DYNC1H1: variants seen among roughly 807,000 people sequenced by gnomAD.
DYNC1H1 encodes the protein dynein cytoplasmic 1 heavy chain 1, also known as cytoplasmic dynein 1 heavy chain 1.
In DYNC1H1, 51 loss-of-function variants were observed where a neutral mutation model predicts 527.1. That is an observed-to-expected ratio of 0.10 (90% confidence interval 0.08 to 0.12). DYNC1H1 has a LOEUF of 0.12. Among genes scored for constraint, DYNC1H1 ranks in the 10% least tolerant of loss-of-function variants. The probability of loss-of-function intolerance (pLI) is 1.00; values close to 1 mark genes in which losing one functional copy is unlikely to be tolerated. For missense variants in DYNC1H1, 2,771 were observed against 5,971.8 expected, an observed-to-expected ratio of 0.46 and a Z score of 17.66; for synonymous variants, 2,189 against 2,278.8, an observed-to-expected ratio of 0.96 and a Z score of 1.12.
rs1374091854 is a variant in DYNC1H1, at chr14:101,964,992, G to A, written c.256+45G>A. On this transcript the variant is annotated intron_variant, in intron 1 of 77. Transcript: ENST00000360184. The surrounding 1 kb of genome is among the most constrained non-coding windows in gnomAD (Gnocchi z 5.5). ...AGGGTCGCCAGAGCCAGGCCTCGCGGAATGCAGGGCCTGCCAGGTCCTCCG... is the reference window on the plus strand; with the variant it reads ...AGGGTCGCCAGAGCCAGGCCTCGCGAAATGCAGGGCCTGCCAGGTCCTCCG... The A allele has an allele frequency of 1.9e-6, 3 of 1,557,480 alleles. No individual in the cohort carries two copies. Among genetic ancestry groups the A allele is most frequent in the African/African-American group, 2.7e-5 (2 of 73,944 alleles).
intron 10 of DYNC1H1, among the ~76,000 whole-genome samples, chr14:101,991,111 A>G (rs1290113923): frequency 6.6e-6 from 1 of 152,052 alleles, no homozygotes; most frequent in Non-Finnish European, 1.5e-5. Flanking sequence ...TGAGCCCAGA[A>G]TGTCAAGTGA....
intron 52 of DYNC1H1, 147 bp downstream of exon 52, chr14:102,032,614 G>A (rs2048522033): frequency 1.1e-5 from 12 of 1,050,662 alleles, no homozygotes; most frequent in Non-Finnish European, 1.7e-5. Flanking sequence ...AACTTTGGGA[G>A]GCTGAGGCAG....
At chr14:101,969,936 C>T (rs1013744077) in intron 1 of DYNC1H1, among the ~76,000 whole-genome samples, 4 of 152,124 alleles carry the variant, frequency 2.6e-5, no homozygotes, top group Non-Finnish European at 4.4e-5. Context: ...GAAACCAAAA[C>T]CCTAGGATTT....
Position 101,999,920 on chromosome 14 carries a change from T to A in DYNC1H1, c.3805-69T>A. 7 of 1,610,558 alleles carry A rather than the reference T, an allele frequency of 4.3e-6. No homozygotes were observed. The South Asian group carries it at 7.7e-5, about 18-fold the overall frequency. On this transcript the variant is annotated intron_variant, in intron 16 of 77. Coordinates refer to ENST00000360184, the MANE Select transcript of DYNC1H1 (RefSeq NM_001376.5). ...AAGCCCTGCAGGCTCTGTGCACCAT[T>A]TTAAAGCCTAAATGCTCATCTCTCC...
rs367551573 is a variant in DYNC1H1, at chr14:102,017,516, C to G, written c.8177+12C>G. ...CCCCTCTCACACAGGTAAAACAGCT[C>G]GGTAGACTGCTCTGCTTCACACACG... On this transcript the variant is annotated intron_variant, in intron 40 of 77. Transcript: ENST00000360184. This position sits in a 1 kb window ranked among gnomAD's most constrained non-coding sequence, Gnocchi z 4.6. 5.0e-6 allele frequency: 8 copies of G among 1,613,268 alleles called. No homozygotes were observed. The African/African-American group carries it at 1.1e-4, about 22-fold the overall frequency.
chr14:101,988,673 C>G (rs1475312733), intron 9 of DYNC1H1, 30 bp from the exon 10 acceptor site: 2 of 1,613,864 alleles, frequency 1.2e-6, no homozygotes, highest in Non-Finnish European at 1.7e-6. Flanking sequence ...TTAGAAGAAA[C>G]ACTGTTCTCT....
rs752231360 is a variant in DYNC1H1, at chr14:101,964,784, G to A, written c.93G>A (p.Gln31=). 1 of 1,602,220 alleles carries A rather than the reference G, an allele frequency of 6.2e-7. No individual in the cohort carries two copies. Among genetic ancestry groups the A allele is most frequent in the Non-Finnish European group, 8.5e-7 (1 of 1,176,734 alleles). The part of the protein sequence containing the change: ...VQNVADVSVL[Q]KHLRKLVPLL... Reference sequence around the variant, plus strand: ...ATGTGGCGGACGTGTCGGTGCTGCAGAAGCACCTGCGCAAGCTGGTGCCGC... The same window carrying A: ...ATGTGGCGGACGTGTCGGTGCTGCAAAAGCACCTGCGCAAGCTGGTGCCGC... The change falls in exon 1 of 78, where the codon CAG becomes CAA. Residue 31 remains glutamine, a synonymous_variant. Transcript: ENST00000360184. This position sits in a 1 kb window ranked among gnomAD's most constrained non-coding sequence, Gnocchi z 5.5.
intron 56 of DYNC1H1, 162 bp downstream of exon 56, chr14:102,034,614 C>T (rs1214135803): frequency 1.7e-6 from 2 of 1,154,674 alleles, no homozygotes; most frequent in East Asian, 2.5e-5. Flanking sequence ...GTGTGCTGTT[C>T]TCGTTATTGT....
At position 102,042,353 on chromosome 14, in the gene DYNC1H1, A is replaced by G. The variant is rs761633750; in HGVS notation, c.12276-31A>G. 2 of 1,614,178 alleles carry G rather than the reference A, an allele frequency of 1.2e-6. No individual in the cohort carries two copies. The highest frequency in any genetic ancestry group is 1.7e-6 in the Non-Finnish European group (2 of 1,180,034). On this transcript the variant is annotated intron_variant, in intron 67 of 77. Transcript: ENST00000360184. This position sits in a 1 kb window ranked among gnomAD's most constrained non-coding sequence, Gnocchi z 5.7. ...CAGGCATTCAGGCAGGCAGCCTGGC[A>G]TGCTGTGTGACTCTCACTTTGTGTG... is the stretch of plus-strand genomic sequence containing the variant.
intron 56 of DYNC1H1, chr14:102,035,484 G>C (rs1240138402): frequency 6.6e-6 from 1 of 152,244 alleles, no homozygotes; most frequent in Non-Finnish European, 1.5e-5. Flanking sequence ...CGCAGGGCTG[G>C]ATTTGCCTAA....
rs2066155515 is a variant in DYNC1H1, at chr14:102,032,657, ACCTGGGCTACATGGCGACAC to A, written c.10079+195_10079+214del. 9 of 724,598 alleles carry A rather than the reference ACCTGGGCTACATGGCGACAC, an allele frequency of 1.2e-5. No homozygotes were observed. The South Asian group carries it at 1.5e-4, about 12-fold the overall frequency. The allele number at this position is 724,598 out of a possible 1,614,324, so 44.9% of individuals were successfully genotyped here. ...GCTTGAGCCTAGGAGTTAGAGACCA[ACCTGGGCTACATGGCGACAC>A]CCTGTCTCTACAAAAAAATACAAAA... On this transcript the variant is annotated intron_variant, in intron 52 of 77. Transcript: ENST00000360184.
rs763561186 is a variant in DYNC1H1, at chr14:101,964,904, C to G, written c.213C>G (p.Asp71Glu). The part of the protein sequence containing the change: ...ALEQMRKFLS[D>E]PQVHTVLVER... ...AGCAGATGCGCAAGTTCCTTTCGGA[C>G]CCGCAGGTCCACACGGTGCTGGTGG... Residue 71 changes from aspartate to glutamate, a missense_variant, in exon 1 of 78, where the codon GAC (aspartate) becomes GAG (glutamate). By Grantham distance (45) the Asp-to-Glu change is conservative. This residue lies in a region of DYNC1H1 where 101 missense variants were observed against 105.3 expected (regional missense o/e 0.96). Coordinates refer to ENST00000360184, the MANE Select transcript of DYNC1H1 (RefSeq NM_001376.5). This position sits in a 1 kb window ranked among gnomAD's most constrained non-coding sequence, Gnocchi z 5.5. The G allele has an allele frequency of 6.2e-7, 1 of 1,600,418 alleles. No homozygotes were observed. The highest frequency in any genetic ancestry group is 1.1e-5 in the South Asian group (1 of 89,378).
At chr14:101,982,065 G>A (rs1480433428) in intron 5 of DYNC1H1, among the ~76,000 whole-genome samples, 2 of 152,224 alleles carry the variant, frequency 1.3e-5, no homozygotes, top group Non-Finnish European at 2.9e-5. Context: ...GAGCATTACT[G>A]CCTGAGCTCT....
intron 9 of DYNC1H1, 74 bp from the exon 10 acceptor site, chr14:101,988,629 C>A: frequency 6.3e-7 from 1 of 1,595,784 alleles, no homozygotes; most frequent in Non-Finnish European, 8.6e-7. Context: ...AAACACCTAC[C>A]ACTTTCTGAT....
Position 102,002,708 on chromosome 14 carries a change from G to A in DYNC1H1, c.4709+5G>A, listed in dbSNP as rs1469196745. On this transcript the variant is annotated splice_donor_5th_base_variant and intron_variant, in intron 22 of 77. Coordinates refer to ENST00000360184, the MANE Select transcript of DYNC1H1 (RefSeq NM_001376.5). The surrounding 1 kb of genome is among the most constrained non-coding windows in gnomAD (Gnocchi z 4.4). ...GGAAACCCAGCGGTTTCAGAGGTATGGCCTCCAGCCAGAGAGCCAAATTTG... is the reference window on the plus strand; with the variant it reads ...GGAAACCCAGCGGTTTCAGAGGTATAGCCTCCAGCCAGAGAGCCAAATTTG... 1.9e-6 allele frequency: 3 copies of A among 1,614,240 alleles called. No homozygotes were observed. The highest frequency in any genetic ancestry group is 2.5e-6 in the Non-Finnish European group (3 of 1,180,046).
At chr14:101,994,052 T>C in intron 11 of DYNC1H1, 132 bp from the exon 12 acceptor site, 1 of 1,281,358 alleles carries the variant, frequency 7.8e-7, no homozygotes, top group South Asian at 1.2e-5. Context: ...CCAGGGTAAG[T>C]GGATGTTATC....
At chr14:101,976,790 C>G (rs2047806033) in intron 2 of DYNC1H1, among the ~76,000 whole-genome samples, 1 of 152,058 alleles carries the variant, frequency 6.6e-6, no homozygotes, top group African/African-American at 2.4e-5. Context: ...TCTGCAGATT[C>G]AACCAACCAC....
Position 102,049,704 on chromosome 14 carries a change from C to G in DYNC1H1, c.13516-10C>G. On this transcript the variant is annotated splice_polypyrimidine_tract_variant and intron_variant, in intron 75 of 77. Transcript: ENST00000360184. The surrounding 1 kb of genome is among the most constrained non-coding windows in gnomAD (Gnocchi z 5.5). The stretch of plus-strand genomic sequence containing the variant: ...GAGCTCCTTCCCCTGGGGGCTGCTG[C>G]TTTCCACAGAACATCCACGTGTGCC... The G allele has an allele frequency of 6.2e-7, 1 of 1,613,904 alleles. No homozygotes were observed. The highest frequency in any genetic ancestry group is 8.5e-7 in the Non-Finnish European group (1 of 1,180,026).
In DYNC1H1 at chr14:102,038,119, A is replaced by G; in HGVS notation, c.10909-341A>G. ...CAGCCTCCCAGGTAGCTGGGACTACAGGCATGTGCCATACACCCCCAGCTA... is the reference window on the plus strand; with the variant it reads ...CAGCCTCCCAGGTAGCTGGGACTACGGGCATGTGCCATACACCCCCAGCTA... On this transcript the variant is annotated intron_variant, in intron 57 of 77. Coordinates refer to ENST00000360184, the MANE Select transcript of DYNC1H1 (RefSeq NM_001376.5). The surrounding 1 kb of genome is among the most constrained non-coding windows in gnomAD (Gnocchi z 7.2). 2.7e-6 allele frequency: 1 copy of G among 366,000 alleles called. No individual in the cohort carries two copies. The highest frequency in any genetic ancestry group is 5.3e-6 in the Non-Finnish European group (1 of 188,240). The allele number at this position is 366,000 out of a possible 1,614,324, so 22.7% of individuals were successfully genotyped here. A position where few individuals can be genotyped will look rare whatever the true frequency, so the allele number is the denominator to read the frequency against.
Sources: gnomAD v4.1 joint callset for allele counts (sites outside exome capture counted in the v4.1 genomes callset) on GRCh38, gnomAD v4.1.1 for gene constraint, gnomAD v4.1.1 regional missense constraint, Gnocchi (gnomAD v3.1) non-coding constraint, MANE v1.5 for transcripts, NCBI Gene and HGNC (gene_info 2026-07-23, HGNC 2026-07-21) for gene names.